ANKDD1B: variants seen among roughly 807,000 people sequenced by gnomAD.
ANKDD1B encodes ankyrin repeat and death domain containing 1B.
Under a neutral mutation model 59.7 loss-of-function variants are expected in ANKDD1B, and 57 were observed. The observed-to-expected ratio is 0.95, with a 90% CI of 0.77 to 1.19. The LOEUF (loss-of-function observed/expected upper bound fraction) is 1.19, where lower values mean the gene tolerates loss of function less well. Among genes scored for constraint, ANKDD1B ranks in the 50% most tolerant of loss-of-function variants. The pLI, the probability that ANKDD1B is intolerant of heterozygous loss-of-function variation, is 0.00. For synonymous variants in ANKDD1B, 216 were observed against 239.5 expected, an observed-to-expected ratio of 0.90 and a Z score of 0.91; for missense variants, 602 against 641.9, an observed-to-expected ratio of 0.94 and a Z score of 0.67.
chr5:75,620,144 A>C (rs1406989794), intron 2 of ANKDD1B, among the ~76,000 whole-genome samples, 171 bp from the exon 3 acceptor site: 1 of 152,242 alleles, frequency 6.6e-6, no homozygotes, highest in Non-Finnish European at 1.5e-5. Context: ...TAATGAAGGC[A>C]GAATTCGGCT....
chr5:75,663,520 G>A lies in ANKDD1B; in HGVS notation c.1191+31G>A, dbSNP rs1027447406. 12 of 1,499,866 alleles carry A rather than the reference G, an allele frequency of 8.0e-6. No individual in the cohort carries two copies. The Admixed American group carries it at 2.4e-4, about 29-fold the overall frequency. The allele number at this position is 1,499,866 out of a possible 1,614,324, so 92.9% of individuals were successfully genotyped here. On this transcript the variant is annotated intron_variant, in intron 11 of 13. Coordinates refer to ENST00000601380, the MANE Select transcript of ANKDD1B (RefSeq NM_001276713.2). Reference sequence around the variant, plus strand: ...GAAGGACGATCCCAGCACAGCAGGGGCTTTCCTGGCAACACCCATCTTCTT... The same window carrying A: ...GAAGGACGATCCCAGCACAGCAGGGACTTTCCTGGCAACACCCATCTTCTT...
chr5:75,660,087 A>T (rs1013672405), intron 10 of ANKDD1B, among the ~76,000 whole-genome samples: 3 of 152,204 alleles, frequency 2.0e-5, no homozygotes, highest in Admixed American at 6.5e-5. Context: ...TTGTTTTTTT[A>T]AATTAAAAAA....
chr5:75,621,656 T>C (rs1225419392), intron 3 of ANKDD1B, among the ~76,000 whole-genome samples: 1 of 152,232 alleles, frequency 6.6e-6, no homozygotes, highest in East Asian at 1.9e-4. Flanking sequence ...AACACCTATG[T>C]ATCCATTGCC....
intron 3 of ANKDD1B, among the ~76,000 whole-genome samples, chr5:75,621,665 C>A (rs1773852208): frequency 6.6e-6 from 1 of 152,140 alleles, no homozygotes; most frequent in African/African-American, 2.4e-5. Context: ...GTATCCATTG[C>A]CCATATTAGA....
intron 7 of ANKDD1B, among the ~76,000 whole-genome samples, chr5:75,648,499 T>A (rs1436680424): frequency 6.6e-6 from 1 of 152,138 alleles, no homozygotes; most frequent in Admixed American, 6.5e-5. Context: ...AGTATTTTGC[T>A]TTGTAGTGAT....
intron 6 of ANKDD1B, 124 bp from the exon 7 acceptor site, chr5:75,635,660 C>T: frequency 1.9e-6 from 1 of 517,910 alleles, no homozygotes; most frequent in South Asian, 3.5e-5. Flanking sequence ...TACAGTGGTC[C>T]ACACTCTGGA....
intron 5 of ANKDD1B, among the ~76,000 whole-genome samples, chr5:75,631,635 C>T (rs1394066505): frequency 1.3e-5 from 2 of 152,154 alleles, no homozygotes; most frequent in Non-Finnish European, 2.9e-5. Context: ...ACTAAGCGCT[C>T]ATCTGGGGGT....
chr5:75,649,012 C>T (rs56832737), intron 7 of ANKDD1B, among the ~76,000 whole-genome samples: 14,270 of 152,054 alleles, frequency 0.094, 1,652 homozygotes, highest in African/African-American at 0.27. Context: ...CTGGCTTCCT[C>T]CATTTGTGTT....
intron 7 of ANKDD1B, among the ~76,000 whole-genome samples, chr5:75,641,427 T>C (rs1000927028): frequency 6.6e-6 from 1 of 152,198 alleles, no homozygotes; most frequent in African/African-American, 2.4e-5. Context: ...GATAAAAAAG[T>C]GTCTTACTCC....
Position 75,653,166 on chromosome 5 carries a change from G to A in ANKDD1B, c.823G>A (p.Ala275Thr), listed in dbSNP as rs770883102. ...GCTCAATATCAGTAGTTTGCAGATA[G>A]CAACCAGGAACGGCCATGCATCCCT... ...NELNISSLQIATRNGHASLVN... is the reference protein window; with the variant it reads ...NELNISSLQITTRNGHASLVN... The change falls in exon 8 of 14, where the codon GCA becomes ACA. Residue 275 changes from alanine to threonine, a missense_variant. Ala to Thr is a moderately conservative substitution (Grantham distance 58). Transcript: ENST00000601380. 6.5e-7 allele frequency: 1 copy of A among 1,535,988 alleles called. No homozygotes were observed. The highest frequency in any genetic ancestry group is 1.2e-5 in the South Asian group (1 of 84,054).
chr5:75,665,150 C>T (rs1026722609), intron 11 of ANKDD1B, among the ~76,000 whole-genome samples: 1 of 152,182 alleles, frequency 6.6e-6, no homozygotes, highest in African/African-American at 2.4e-5. Flanking sequence ...TTAATTTCCA[C>T]CAGTTCTGGC....
chr5:75,634,916 C>A lies in ANKDD1B; in HGVS notation c.619C>A (p.Leu207Ile), dbSNP rs1432010444. The change falls in exon 6 of 14, where the codon CTT becomes ATT. Residue 207 changes from leucine to isoleucine, a missense_variant. Transcript: ENST00000601380. ...QPDEKGRKPFLLAAERGHVEM... is the reference protein window; with the variant it reads ...QPDEKGRKPFILAAERGHVEM... The stretch of plus-strand genomic sequence containing the variant: ...TTTTTAGAAAGGAAGAAAACCATTT[C>A]TTTTGGCAGCTGAGAGGGGCCATGT... The A allele has an allele frequency of 1.3e-6, 2 of 1,534,244 alleles. No homozygotes were observed. The highest frequency in any genetic ancestry group is 2.4e-5 in the East Asian group (1 of 40,890).
chr5:75,658,247 T>C (rs954050210), intron 9 of ANKDD1B, among the ~76,000 whole-genome samples: 2 of 152,078 alleles, frequency 1.3e-5, no homozygotes, highest in African/African-American at 4.8e-5. Flanking sequence ...TTTGGTAATA[T>C]CCCCAGCATA....
At chr5:75,618,390 T>C (rs1561431240) in intron 2 of ANKDD1B, among the ~76,000 whole-genome samples, 1 of 152,216 alleles carries the variant, frequency 6.6e-6, no homozygotes, top group African/African-American at 2.4e-5. Context: ...TCTGTTATTT[T>C]AAACTTTTTC....
At chr5:75,649,165 G>A (rs1373215263) in intron 7 of ANKDD1B, among the ~76,000 whole-genome samples, 9 of 148,610 alleles carry the variant, frequency 6.1e-5, no homozygotes, top group African/African-American at 2.3e-4. Context: ...ATATTTAAGT[G>A]CTCCCACATT....
At chr5:75,649,323 T>C (rs189283419) in intron 7 of ANKDD1B, among the ~76,000 whole-genome samples, 361 of 152,050 alleles carry the variant, frequency 2.4e-3, no homozygotes, top group African/African-American at 8.2e-3. Context: ...AATTGGGAAT[T>C]TGAGGGAGGT....
Position 75,621,306 on chromosome 5 carries a change from G to A in ANKDD1B, c.396+893G>A, listed in dbSNP as rs141861285. 3.4e-3 allele frequency among the ~76,000 whole-genome samples: 514 copies of A among 152,300 alleles called. 3 individuals are homozygous for A. The highest frequency in any genetic ancestry group is 0.012 in the African/African-American group (504 of 41,566). The stretch of plus-strand genomic sequence containing the variant: ...TCTTTCTGACTGTGCCCAGGGCACA[G>A]TTCCATGATTTGCACTGCCTTGAGT... On this transcript the variant is annotated intron_variant, in intron 3 of 13. Transcript: ENST00000601380.
intron 1 of ANKDD1B, among the ~76,000 whole-genome samples, chr5:75,616,079 T>C (rs1392333959): frequency 2.0e-5 from 3 of 152,158 alleles, no homozygotes; most frequent in Non-Finnish European, 4.4e-5. Context: ...TGTTTGGAGA[T>C]GGTATGTTAT....
chr5:75,662,031 T>C (rs1171327522), intron 10 of ANKDD1B, among the ~76,000 whole-genome samples: 1 of 151,562 alleles, frequency 6.6e-6, no homozygotes, highest in Non-Finnish European at 1.5e-5. Flanking sequence ...CTGCTTGTCC[T>C]CTTGGCCTGA....
Sources: gnomAD v4.1 joint callset for allele counts (sites outside exome capture counted in the v4.1 genomes callset) on GRCh38, gnomAD v4.1.1 for gene constraint, MANE v1.5 for transcripts, NCBI Gene and HGNC (gene_info 2026-07-23, HGNC 2026-07-21) for gene names.